MYO1B: variants seen among roughly 807,000 people sequenced by gnomAD.
MYO1B encodes myosin IB.
A neutral mutation model predicts 159.7 loss-of-function variants in MYO1B; 72 were observed. The ratio of observed to expected loss-of-function variants is 0.45; its 90% confidence interval spans 0.37 to 0.55. MYO1B has a LOEUF of 0.55. Ranked by LOEUF, MYO1B falls within the 20% of genes least tolerant of loss-of-function variation. MYO1B has a pLI of 0.00. For synonymous variants in MYO1B, 468 were observed against 473.8 expected, an observed-to-expected ratio of 0.99 and a Z score of 0.16; for missense variants, 1,062 against 1,364.8, an observed-to-expected ratio of 0.78 and a Z score of 3.50.
At chr2:191,387,557 T>C (rs1330015931) in intron 17 of MYO1B, 107 bp downstream of exon 17, 2 of 947,566 alleles carry the variant, frequency 2.1e-6, no homozygotes, top group South Asian at 2.8e-5. Context: ...AGAGGGTAAC[T>C]AAAATACTTA....
At chr2:191,277,341 T>C (rs1687814889) in intron 2 of MYO1B, among the ~76,000 whole-genome samples, 1 of 152,204 alleles carries the variant, frequency 6.6e-6, no homozygotes, top group African/African-American at 2.4e-5. Flanking sequence ...GGCATCTTCT[T>C]GGATACCTTC....
chr2:191,412,357 C>A (rs1037655034), intron 27 of MYO1B, among the ~76,000 whole-genome samples: 1 of 152,260 alleles, frequency 6.6e-6, no homozygotes, highest in Admixed American at 6.5e-5. Flanking sequence ...CTGGAAAATA[C>A]ATCTTTGAGG....
At chr2:191,265,897 C>T (rs1048283623) in intron 1 of MYO1B, among the ~76,000 whole-genome samples, 1 of 152,010 alleles carries the variant, frequency 6.6e-6, no homozygotes, top group Non-Finnish European at 1.5e-5. Flanking sequence ...CGACCGGTTC[C>T]CCTACAGCTG....
chr2:191,336,815 G>T (rs1691881216), intron 4 of MYO1B, among the ~76,000 whole-genome samples: 1 of 152,088 alleles, frequency 6.6e-6, no homozygotes, highest in Non-Finnish European at 1.5e-5. Context: ...CTGGTCTAGG[G>T]CTCTGAACCA....
At chr2:191,324,058 G>C (rs1396659443) in intron 3 of MYO1B, among the ~76,000 whole-genome samples, 3 of 151,958 alleles carry the variant, frequency 2.0e-5, no homozygotes, top group Non-Finnish European at 2.9e-5. Flanking sequence ...TAAAAGTGCA[G>C]TGCCTTAAAA....
At chr2:191,402,574 G>A (rs1696678725) in intron 23 of MYO1B, 58 bp from the exon 24 acceptor site, 1 of 1,433,180 alleles carries the variant, frequency 7.0e-7, no homozygotes, top group African/African-American at 1.4e-5. Flanking sequence ...TCTTTTTCTG[G>A]TCATTTGTGC....
rs1337170694 is a variant in MYO1B at position 191,424,984 on chromosome 2, A to G, written c.*1024A>G. 1 of 152,572 alleles carries G rather than the reference A, an allele frequency of 6.6e-6. No individual in the cohort carries two copies. The highest frequency in any genetic ancestry group is 1.5e-5 in the Non-Finnish European group (1 of 67,992). The allele number at this position is 152,572 out of a possible 1,614,324, so 9.5% of individuals were successfully genotyped here. ...GTGATTGGTACAGGGTGCCTATTTT[A>G]GTCATGGATCAAAATTTGTGTAACT... On this transcript the variant is annotated 3_prime_UTR_variant, in exon 31 of 31. Coordinates refer to ENST00000392318, the MANE Select transcript of MYO1B (RefSeq NM_001130158.3).
At chr2:191,407,769 ATCT>A (rs879873633) in intron 24 of MYO1B, 10,458 of 159,224 alleles carry the variant, frequency 0.066, 686 homozygotes, top group African/African-American at 0.17. Flanking sequence ...TTACAAAACA[ATCT>A]GAAGAGAACA....
At chr2:191,393,020 T>C (rs1225212653) in intron 19 of MYO1B, 53 bp from the exon 20 acceptor site, 1 of 1,546,310 alleles carries the variant, frequency 6.5e-7, no homozygotes, top group Admixed American at 1.8e-5. Flanking sequence ...CTTTCCTGTA[T>C]GCTGTGAGGT....
In MYO1B at chr2:191,396,027, G is replaced by A. The variant is rs531055565; in HGVS notation, c.2227-402G>A. ...CTAAAAGAAACTAGGGAGGTTTAGA[G>A]GTGGGTCCAGTAAGTAGCATGGTGA... On this transcript the variant is annotated intron_variant, in intron 20 of 30. Coordinates refer to ENST00000392318, the MANE Select transcript of MYO1B (RefSeq NM_001130158.3). Among the ~76,000 whole-genome samples, 8 of 152,334 alleles carry A rather than the reference G, an allele frequency of 5.3e-5. No homozygotes were observed. In the East Asian group the frequency reaches 1.3e-3, roughly 26 times the overall value.
intron 3 of MYO1B, among the ~76,000 whole-genome samples, chr2:191,320,889 A>C (rs533950345): frequency 1.2e-4 from 18 of 152,172 alleles, no homozygotes; most frequent in African/African-American, 4.1e-4. Context: ...TCCAGTTCAA[A>C]TGGCATCTCT....
chr2:191,293,796 A>T (rs1192382981), intron 2 of MYO1B, among the ~76,000 whole-genome samples: 1 of 152,178 alleles, frequency 6.6e-6, no homozygotes, highest in Admixed American at 6.5e-5. Context: ...ATGCATAATC[A>T]TCTGGGAATG....
At chr2:191,251,531 C>A (rs1686117475) in intron 1 of MYO1B, among the ~76,000 whole-genome samples, 1 of 152,180 alleles carries the variant, frequency 6.6e-6, no homozygotes, top group African/African-American at 2.4e-5. Context: ...AAGAGGAAAC[C>A]AAATCTCTGC....
At chr2:191,375,957 T>TAA (rs1369642447) in intron 13 of MYO1B, among the ~76,000 whole-genome samples, 28 of 137,680 alleles carry the variant, frequency 2.0e-4, no homozygotes, top group African/African-American at 8.5e-4. Context: ...AGACTCCGTA[T>TAA]CAAAAAAAAA....
At chr2:191,308,458 GCAA>G (rs1378977352) in intron 3 of MYO1B, among the ~76,000 whole-genome samples, 1 of 152,158 alleles carries the variant, frequency 6.6e-6, no homozygotes, top group African/African-American at 2.4e-5. Context: ...TTTAAGGGTA[GCAA>G]CAGTTCAACT....
At chr2:191,315,387 A>G (rs1025342484) in intron 3 of MYO1B, among the ~76,000 whole-genome samples, 4 of 152,250 alleles carry the variant, frequency 2.6e-5, no homozygotes, top group Non-Finnish European at 5.9e-5. Flanking sequence ...TAAGCTGCAC[A>G]GTAAGCTGAC....
At chr2:191,350,288 G>A in intron 7 of MYO1B, 63 bp downstream of exon 7, 2 of 1,212,850 alleles carry the variant, frequency 1.6e-6, no homozygotes, top group Non-Finnish European at 2.4e-6. Flanking sequence ...ATTTATAGTA[G>A]AATAGTTTAG....
intron 26 of MYO1B, among the ~76,000 whole-genome samples, chr2:191,410,433 A>G (rs1219452075): frequency 1.3e-5 from 2 of 152,098 alleles, no homozygotes; most frequent in Admixed American, 1.3e-4. Flanking sequence ...GTCTCCTCTC[A>G]TTGCAGCTTC....
rs948789981 is a variant in MYO1B, at chr2:191,344,687, G to A, written c.452-1549G>A. On this transcript the variant is annotated intron_variant, in intron 5 of 30. Coordinates refer to ENST00000392318, the MANE Select transcript of MYO1B (RefSeq NM_001130158.3). ...CTACTAAAAATACAAAAAATTAGCCGGGCGTAGTGGCGGGCGCCTGTAGTC... is the reference window on the plus strand; with the variant it reads ...CTACTAAAAATACAAAAAATTAGCCAGGCGTAGTGGCGGGCGCCTGTAGTC... 3.3e-4 allele frequency among the ~76,000 whole-genome samples: 50 copies of A among 151,642 alleles called. No homozygotes were observed. The East Asian group carries it at 5.8e-3, about 18-fold the overall frequency.
Sources: allele counts gnomAD v4.1 joint callset (sites outside exome capture counted in the v4.1 genomes callset), GRCh38; gene constraint gnomAD v4.1.1; transcripts MANE v1.5; gene names NCBI Gene and HGNC (gene_info 2026-07-23, HGNC 2026-07-21).